Variants in NDUFA10 observed in about 807,000 individuals in gnomAD.
The protein encoded by NDUFA10 is NADH:ubiquinone oxidoreductase subunit A10, also known as NADH dehydrogenase [ubiquinone] 1 alpha subcomplex subunit 10, mitochondrial.
NDUFA10 carries 40 observed loss-of-function variants against 47.8 expected under a neutral mutation model. The observed-to-expected ratio is 0.84, with a 90% confidence interval of 0.65 to 1.09. The LOEUF is 1.09. Among genes scored for constraint, NDUFA10 ranks in the 50% least tolerant of loss-of-function variants. The probability of loss-of-function intolerance (pLI) is 0.00; values close to 1 mark genes in which losing one functional copy is unlikely to be tolerated. For synonymous variants in NDUFA10, 183 were observed against 172.2 expected (o/e 1.06, Z -0.49); for missense variants, 413 against 451.1 (o/e 0.92, Z 0.76).
downstream of NDUFA10, among the ~76,000 whole-genome samples, chr2:239,957,049 G>A (rs899142818): frequency 6.6e-6 from 1 of 152,108 alleles, no homozygotes; most frequent in Non-Finnish European, 1.5e-5. Context: ...AGTGGGCTCT[G>A]GGGGGTGCCC....
At chr2:239,912,726 G>A (rs1007614945) in intron 4 of NDUFA10, among the ~76,000 whole-genome samples, 1 of 152,174 alleles carries the variant, frequency 6.6e-6, no homozygotes, top group Admixed American at 6.5e-5. Flanking sequence ...CTCCGCCCAG[G>A]AGCCCATTGT....
intron 4 of NDUFA10, among the ~76,000 whole-genome samples, chr2:239,917,800 C>G (rs1693901976): frequency 6.6e-6 from 1 of 152,244 alleles, no homozygotes; most frequent in Non-Finnish European, 1.5e-5. Context: ...TCTGAATGCA[C>G]TCAGTAAAGA....
intron 4 of NDUFA10, among the ~76,000 whole-genome samples, chr2:239,900,673 T>C (rs547180616): frequency 6.6e-6 from 1 of 152,050 alleles, no homozygotes; most frequent in South Asian, 2.1e-4. Flanking sequence ...TGTAGAACCT[T>C]GTCAGATCCC....
chr2:239,900,336 AT>A, intron 4 of NDUFA10, among the ~76,000 whole-genome samples: 1 of 3,684 alleles, frequency 2.7e-4, no homozygotes, highest in Non-Finnish European at 5.2e-4. Flanking sequence ...ATATATATAT[AT>A]ATATATATAT....
downstream of NDUFA10, among the ~76,000 whole-genome samples, chr2:239,953,242 G>A (rs1053371675): frequency 3.3e-5 from 5 of 152,180 alleles, no homozygotes; most frequent in African/African-American, 1.2e-4. Flanking sequence ...GGTGACTAGA[G>A]GAGGGGTCAC....
chr2:239,995,279 GA>G (rs567435007), intron 8 of NDUFA10, among the ~76,000 whole-genome samples: 23 of 147,464 alleles, frequency 1.6e-4, no homozygotes, highest in East Asian at 5.9e-4. Context: ...CTGTCTCAAA[GA>G]AAAAAAAAAG....
rs888687995 is a variant in NDUFA10, at chr2:239,945,178, G to C, written c.294+44896C>G. Among the ~76,000 whole-genome samples, 1 of 152,136 alleles carries C rather than the reference G, an allele frequency of 6.6e-6. No individual in the cohort carries two copies. Among genetic ancestry groups the C allele is most frequent in the African/African-American group, 2.4e-5 (1 of 41,434 alleles). On this transcript the variant is annotated intron_variant, in intron 4 of 5. Transcript: ENST00000419408. This position sits in a 1 kb window ranked among gnomAD's most constrained non-coding sequence, Gnocchi z 4.6. ...CCCCTCCCGCAGGAGGGCCTGACTG[G>C]GGAGGAAATGACAAGCCACTTCTCA...
At chr2:239,938,472 G>A (rs1312171427) in intron 4 of NDUFA10, among the ~76,000 whole-genome samples, 1 of 152,212 alleles carries the variant, frequency 6.6e-6, no homozygotes, top group Non-Finnish European at 1.5e-5. Context: ...TTTGTCAGAG[G>A]CTGTATGATC....
chr2:239,893,015 T>A (rs1457889945), intron 5 of NDUFA10, among the ~76,000 whole-genome samples: 1 of 152,034 alleles, frequency 6.6e-6, no homozygotes. Flanking sequence ...GTGGAGAGGC[T>A]GCCTTGGGGA....
intron 8 of NDUFA10, among the ~76,000 whole-genome samples, chr2:239,994,820 T>C (rs974175119): frequency 6.6e-6 from 1 of 152,118 alleles, no homozygotes; most frequent in Non-Finnish European, 1.5e-5. Context: ...GTCCAAAATG[T>C]TAACAGAGTT....
At chr2:240,005,128 T>C in intron 8 of NDUFA10, 82 bp downstream of exon 8, 1 of 1,259,100 alleles carries the variant, frequency 7.9e-7, no homozygotes, top group Non-Finnish European at 1.2e-6. Flanking sequence ...ACTTGAAACA[T>C]AATTATTTCA....
rs75114823 is a variant in NDUFA10, at chr2:239,909,994, T to C, written c.295-14680A>G. On this transcript the variant is annotated intron_variant, in intron 4 of 5. Coordinates refer to the NDUFA10 transcript ENST00000419408. Reference sequence around the variant, plus strand: ...TCAACATCACTGGTCATTAGAGAAATGCAAATCAAAACCACAATGAGATAT... The same window carrying C: ...TCAACATCACTGGTCATTAGAGAAACGCAAATCAAAACCACAATGAGATAT... Among the ~76,000 whole-genome samples the C allele has an allele frequency of 6.0e-3, 858 of 142,654 alleles. 26 individuals carry two copies. The East Asian group carries it at 0.087, about 14-fold the overall frequency. The allele number at this position is 142,654 out of a possible 152,430, so 93.6% of individuals were successfully genotyped here.
At chr2:239,956,939 T>A (rs1433357269), downstream of NDUFA10, among the ~76,000 whole-genome samples, 1 of 152,094 alleles carries the variant, frequency 6.6e-6, no homozygotes, top group Non-Finnish European at 1.5e-5. Context: ...CAGGTCCTCC[T>A]CTCCCTGACG....
At chr2:239,963,436 A>G (rs887963597) in intron 9 of NDUFA10, among the ~76,000 whole-genome samples, 18 of 152,248 alleles carry the variant, frequency 1.2e-4, no homozygotes, top group African/African-American at 3.9e-4. Flanking sequence ...CTGGCTTCAC[A>G]GTCTGACAAG....
chr2:239,894,809 T>A (rs1693360828), intron 5 of NDUFA10, among the ~76,000 whole-genome samples: 1 of 152,152 alleles, frequency 6.6e-6, no homozygotes, highest in South Asian at 2.1e-4. Context: ...TCATATCTTT[T>A]TATGGCTGAA....
intron 8 of NDUFA10, among the ~76,000 whole-genome samples, chr2:239,991,883 T>C (rs903473579): frequency 1.3e-5 from 2 of 152,226 alleles, no homozygotes; most frequent in South Asian, 2.1e-4. Context: ...ATGTGTAGTA[T>C]AGAGAGCAAC....
intron 7 of NDUFA10, among the ~76,000 whole-genome samples, chr2:240,006,393 C>T (rs539136633): frequency 8.5e-5 from 13 of 152,316 alleles, no homozygotes; most frequent in African/African-American, 2.9e-4. Context: ...GAGAATGCTA[C>T]TCTCTGTGCA....
chr2:239,945,675 G>A lies in NDUFA10; in HGVS notation c.294+44399C>T, dbSNP rs1480044620. On this transcript the variant is annotated intron_variant, in intron 4 of 5. Transcript: ENST00000419408. The surrounding 1 kb of genome is among the most constrained non-coding windows in gnomAD (Gnocchi z 4.6). ...CCCTGGGATGAAAACCAGCATGTCA[G>A]AGCAGAAGCATCTCCAGAGCTTCCA... Among the ~76,000 whole-genome samples, 1 of 152,246 alleles carries A rather than the reference G, an allele frequency of 6.6e-6. No individual in the cohort carries two copies. The highest frequency in any genetic ancestry group is 1.9e-4 in the East Asian group (1 of 5,192).
intron 4 of NDUFA10, among the ~76,000 whole-genome samples, chr2:239,923,714 CA>C (rs1227584117): frequency 1.3e-5 from 2 of 148,460 alleles, no homozygotes; most frequent in African/African-American, 5.0e-5. Context: ...AAAAAGGGCA[CA>C]ATAAACACAG....
Sources: allele counts gnomAD v4.1 joint callset (sites outside exome capture counted in the v4.1 genomes callset), GRCh38; gene constraint gnomAD v4.1.1; non-coding constraint Gnocchi (gnomAD v3.1); transcripts MANE v1.5; gene names NCBI Gene and HGNC (gene_info 2026-07-23, HGNC 2026-07-21).